The following NUDT3 variants were observed in gnomAD, a reference collection of about 807,000 sequenced individuals.
NUDT3 encodes the protein diphosphoinositol polyphosphate phosphohydrolase 1.
Under a neutral mutation model 23.6 loss-of-function variants are expected in NUDT3, and 9 were observed. The ratio of observed to expected loss-of-function variants is 0.38; its 90% confidence interval spans 0.23 to 0.66. NUDT3 has a LOEUF of 0.66. Ranked by LOEUF, NUDT3 falls within the 30% of genes least tolerant of loss-of-function variation. NUDT3 has a pLI of 0.52. For synonymous variants in NUDT3, 86 were observed against 82.6 expected (o/e 1.04, Z -0.22); for missense variants, 172 against 218.5 (o/e 0.79, Z 1.34).
chr6:34,319,042 A>C (rs1240149326), intron 2 of NUDT3, among the ~76,000 whole-genome samples: 1 of 121,404 alleles, frequency 8.2e-6, no homozygotes, highest in Non-Finnish European at 1.9e-5. Flanking sequence ...GGGACAGTAA[A>C]AAAAAAAAAG....
At chr6:34,371,982 G>C (rs1039987890) in intron 1 of NUDT3, among the ~76,000 whole-genome samples, 1 of 152,224 alleles carries the variant, frequency 6.6e-6, no homozygotes, top group Non-Finnish European at 1.5e-5. Flanking sequence ...CTATAAGTGA[G>C]AACACGCAGT....
chr6:34,307,617 T>C (rs1763701751), intron 2 of NUDT3, among the ~76,000 whole-genome samples: 1 of 152,110 alleles, frequency 6.6e-6, no homozygotes, highest in South Asian at 2.1e-4. Flanking sequence ...CTACGTATAT[T>C]ATCTCTTCTT....
In NUDT3 at chr6:34,332,318, T is replaced by A. The variant is rs556831674; in HGVS notation, c.210+9544A>T. Among the ~76,000 whole-genome samples the A allele has an allele frequency of 9.2e-5, 14 of 152,280 alleles. No homozygotes were observed. In the South Asian group the frequency reaches 1.2e-3, roughly 14 times the overall value. ...AGAAAACCATAAGGAAGAGAAAATA[T>A]ATTTACTGTTCATTAGGTGGAAGTG... On this transcript the variant is annotated intron_variant, in intron 2 of 4. Transcript: ENST00000607016.
chr6:34,292,820 G>A (rs980169037), intron 4 of NUDT3, among the ~76,000 whole-genome samples: 5 of 152,082 alleles, frequency 3.3e-5, no homozygotes, highest in African/African-American at 4.8e-5. Flanking sequence ...CTGGCATGGC[G>A]GAGGCCCTCA....
chr6:34,353,566 T>C (rs377415686), intron 1 of NUDT3, among the ~76,000 whole-genome samples: 41 of 152,208 alleles, frequency 2.7e-4, no homozygotes, highest in South Asian at 8.3e-4. Flanking sequence ...CACATCCAGC[T>C]AATTTTTCTA....
chr6:34,333,807 C>T (rs1427572465), intron 2 of NUDT3, among the ~76,000 whole-genome samples: 4 of 152,184 alleles, frequency 2.6e-5, no homozygotes, highest in Non-Finnish European at 5.9e-5. Context: ...TCAAAATAGC[C>T]AGAAGCTGAT....
At chr6:34,327,645 G>A (rs1462964335) in intron 2 of NUDT3, among the ~76,000 whole-genome samples, 1 of 152,172 alleles carries the variant, frequency 6.6e-6, no homozygotes, top group Non-Finnish European at 1.5e-5. Flanking sequence ...ACATGAAAGT[G>A]GACAAGGAGC....
rs144002793 is a variant in NUDT3 at position 34,360,428 on chromosome 6, G to A, written c.100-18456C>T. On this transcript the variant is annotated intron_variant, in intron 1 of 4. Transcript: ENST00000607016. The stretch of plus-strand genomic sequence containing the variant: ...GTCTCTACTAAAAATACAAAAATTA[G>A]CCAGGCATGGTGGTGGGCACTTGTA... 9.2e-3 allele frequency among the ~76,000 whole-genome samples: 1,394 copies of A among 152,050 alleles called. 14 individuals carry two copies. Among genetic ancestry groups the A allele is most frequent in the Middle Eastern group, 0.024 (7 of 294 alleles).
chr6:34,330,487 C>A (rs1764111117), intron 2 of NUDT3, among the ~76,000 whole-genome samples: 1 of 152,114 alleles, frequency 6.6e-6, no homozygotes, highest in African/African-American at 2.4e-5. Context: ...ATGGCATTTT[C>A]CATATTCTTA....
At chr6:34,314,698 A>G (rs1346311136) in intron 2 of NUDT3, among the ~76,000 whole-genome samples, 2 of 152,286 alleles carry the variant, frequency 1.3e-5, no homozygotes, top group East Asian at 3.9e-4. Flanking sequence ...TGGGAGGAGA[A>G]AAGAGAAGAT....
intron 2 of NUDT3, among the ~76,000 whole-genome samples, chr6:34,299,291 C>A (rs922906412): frequency 1.2e-4 from 18 of 152,198 alleles, no homozygotes; most frequent in Admixed American, 3.3e-4. Flanking sequence ...AAAGCAGTTA[C>A]AATTTCAATC....
chr6:34,362,092 G>T (rs928538103), intron 1 of NUDT3, among the ~76,000 whole-genome samples: 4 of 152,290 alleles, frequency 2.6e-5, no homozygotes, highest in Middle Eastern at 3.4e-3. Flanking sequence ...GGAGGCAGGG[G>T]ACCTATGGGA....
Position 34,288,815 on chromosome 6 carries a change from T to A in NUDT3, c.457A>T (p.Thr153Ser). 6.2e-7 allele frequency: 1 copy of A among 1,614,096 alleles called. No homozygotes were observed. Among genetic ancestry groups the A allele is most frequent in the Non-Finnish European group, 8.5e-7 (1 of 1,179,996 alleles). Residue 153 changes from threonine to serine, a missense_variant, in exon 5 of 5, where the codon ACC (threonine) becomes TCC (serine). Thr to Ser is a moderately conservative substitution (Grantham distance 58). Coordinates refer to ENST00000607016, the MANE Select transcript of NUDT3 (RefSeq NM_006703.4). Reference protein sequence around the residue: ...LRQGYSANNGTPVVATTYSVS... With the variant: ...LRQGYSANNGSPVVATTYSVS... ...GAGTATGTGGTGGCCACGACTGGGGTGCCATTGTTGGCTGAGTAGCCTTGC... is the reference window on the plus strand; with the variant it reads ...GAGTATGTGGTGGCCACGACTGGGGAGCCATTGTTGGCTGAGTAGCCTTGC...
intron 1 of NUDT3, among the ~76,000 whole-genome samples, chr6:34,385,168 A>G (rs1403457656): frequency 1.3e-5 from 2 of 152,162 alleles, no homozygotes; most frequent in Admixed American, 6.5e-5. Flanking sequence ...AAAATATTAA[A>G]TAATCAGGCC....
chr6:34,316,948 G>A (rs529429885), intron 2 of NUDT3, among the ~76,000 whole-genome samples: 1 of 152,288 alleles, frequency 6.6e-6, no homozygotes, highest in South Asian at 2.1e-4. Flanking sequence ...GGGTGCAGGG[G>A]GTGTAGCTAA....
intron 1 of NUDT3, among the ~76,000 whole-genome samples, chr6:34,391,778 G>A (rs1581908959): frequency 1.5e-5 from 2 of 134,960 alleles, no homozygotes; most frequent in South Asian, 2.3e-4. Context: ...TGGGCTCACA[G>A]ACATATAATC....
At chr6:34,368,396 G>C (rs1764772789) in intron 1 of NUDT3, among the ~76,000 whole-genome samples, 1 of 152,190 alleles carries the variant, frequency 6.6e-6, no homozygotes, top group South Asian at 2.1e-4. Context: ...AACTGATCTG[G>C]AAAGGCACAG....
intron 1 of NUDT3, among the ~76,000 whole-genome samples, chr6:34,370,861 TGA>T (rs1236120594): frequency 6.6e-6 from 1 of 152,102 alleles, no homozygotes; most frequent in Non-Finnish European, 1.5e-5. Context: ...CCCAGCACTT[TGA>T]GAGGCCGAGG....
chr6:34,350,779 C>T (rs1357858128), intron 1 of NUDT3, among the ~76,000 whole-genome samples: 1 of 150,484 alleles, frequency 6.6e-6, no homozygotes, highest in Non-Finnish European at 1.5e-5. Flanking sequence ...TTACAAAATG[C>T]CTTATAAACA....
Sources: allele counts gnomAD v4.1 joint callset (sites outside exome capture counted in the v4.1 genomes callset), GRCh38; gene constraint gnomAD v4.1.1; transcripts MANE v1.5; gene names NCBI Gene and HGNC (gene_info 2026-07-23, HGNC 2026-07-21).